Variants in CALR3 observed in about 807,000 individuals in gnomAD.
CALR3 encodes calreticulin-3.
CALR3 carries 39 observed loss-of-function variants against 48.7 expected under a neutral mutation model. That is an observed-to-expected ratio of 0.80 (90% CI 0.62 to 1.05). The LOEUF is 1.05. Ranked by LOEUF, CALR3 falls within the 50% of genes least tolerant of loss-of-function variation. CALR3 has a pLI of 0.00. For missense variants in CALR3, 449 were observed against 474.7 expected, an observed-to-expected ratio of 0.95 and a Z score of 0.50; for synonymous variants, 185 against 172.7, an observed-to-expected ratio of 1.07 and a Z score of -0.56.
At chr19:16,489,594 G>C (rs1260486725) in intron 3 of CALR3, among the ~76,000 whole-genome samples, 2 of 150,154 alleles carry the variant, frequency 1.3e-5, no homozygotes, top group African/African-American at 4.9e-5. Flanking sequence ...ACTCCAGCCT[G>C]GGCAACAAGA....
chr19:16,495,673 G>T, intron 2 of CALR3, 78 bp downstream of exon 2: 1 of 1,097,744 alleles, frequency 9.1e-7, no homozygotes, highest in Non-Finnish European at 1.4e-6. Context: ...AAAGCGTTTT[G>T]GCTGTGCCAC....
In CALR3 at chr19:16,496,000, G is replaced by A. The variant is rs377740696; in HGVS notation, c.91+39C>T. 9.5e-6 allele frequency: 15 copies of A among 1,571,812 alleles called. 1 individual carries two copies. The South Asian group carries it at 1.3e-4, about 13-fold the overall frequency. On this transcript the variant is annotated intron_variant, in intron 1 of 8. Transcript: ENST00000269881. ...CCAGCCTTAGGGGGCGGAGATGGGG[G>A]AGCTTACACCTCCGCCACCACGGGC...
chr19:16,482,679 T>C lies in CALR3; in HGVS notation c.785A>G (p.Gln262Arg). 1 of 1,614,164 alleles carries C rather than the reference T, an allele frequency of 6.2e-7. No homozygotes were observed. The highest frequency in any genetic ancestry group is 1.3e-5 in the African/African-American group (1 of 75,052). The part of the protein sequence containing the change: ...PAPMLQKPPY[Q>R]DGLKPEGIHK... ...GCATCATACAAAGAGGCCACACACC[T>C]GGTACGGGGGCTTCTGGAGCATCGG... is the stretch of plus-strand genomic sequence containing the variant. The change falls in exon 6 of 9, where the codon CAG (glutamine) becomes CGG (arginine). Residue 262 changes from glutamine to arginine, a missense_variant and splice_region_variant. Coordinates refer to ENST00000269881, the MANE Select transcript of CALR3 (RefSeq NM_145046.5).
chr19:16,495,695 G>C (rs2093406699), intron 2 of CALR3, 56 bp downstream of exon 2: 1 of 1,339,692 alleles, frequency 7.5e-7, no homozygotes, highest in Non-Finnish European at 1.1e-6. Context: ...ACTACCTAGA[G>C]AGGTTGCTAT....
intron 3 of CALR3, among the ~76,000 whole-genome samples, chr19:16,489,300 C>A (rs1025977457): frequency 6.6e-6 from 1 of 151,986 alleles, no homozygotes; most frequent in East Asian, 1.9e-4. Flanking sequence ...GCCAGGAGTT[C>A]GAGACCAGCC....
chr19:16,489,503 C>T (rs1234963271), intron 3 of CALR3, among the ~76,000 whole-genome samples: 2 of 152,106 alleles, frequency 1.3e-5, no homozygotes, highest in Non-Finnish European at 2.9e-5. Flanking sequence ...CCGGTAATCC[C>T]AGCTACTTGG....
intron 2 of CALR3, among the ~76,000 whole-genome samples, chr19:16,491,570 A>G (rs931102473): frequency 6.6e-6 from 1 of 150,944 alleles, no homozygotes; most frequent in African/African-American, 2.4e-5. Context: ...CGGGGTCAGG[A>G]GTTTGAGACC....
rs750997835 is a variant in CALR3, at chr19:16,485,253, G to A, written c.402C>T (p.Pro134=). ...GKSQYYIMFG[P]DICGFDIKKV... ...TCTTGATATCAAATCCACAAATATC[G>A]GGTCCTACAAAAAAGATTAGCTGCT... The change falls in exon 4 of 9, where the codon CCC becomes CCT. Residue 134 remains proline, a synonymous_variant. Coordinates refer to ENST00000269881, the MANE Select transcript of CALR3 (RefSeq NM_145046.5). 4.4e-6 allele frequency: 7 copies of A among 1,597,102 alleles called. No individual in the cohort carries two copies. Among genetic ancestry groups the A allele is most frequent in the East Asian group, 2.2e-5 (1 of 44,764 alleles).
At chr19:16,491,994 A>G (rs2093398849) in intron 2 of CALR3, among the ~76,000 whole-genome samples, 2 of 151,600 alleles carry the variant, frequency 1.3e-5, no homozygotes, top group African/African-American at 4.8e-5. Context: ...ATGCCTGGCT[A>G]ATTTTCATAT....
chr19:16,481,105 G>A (rs1459507073), intron 7 of CALR3, among the ~76,000 whole-genome samples: 2 of 151,820 alleles, frequency 1.3e-5, no homozygotes, highest in Admixed American at 6.6e-5. Context: ...AGTGAGTTGA[G>A]ATCGTGCCAC....
intron 4 of CALR3, 149 bp from the exon 5 acceptor site, chr19:16,484,264 A>C (rs2093385586): frequency 1.4e-6 from 1 of 715,178 alleles, no homozygotes; most frequent in Non-Finnish European, 2.2e-6. Flanking sequence ...TACAACCTCC[A>C]CCTCCTGAGT....
chr19:16,479,429 C>A lies in CALR3; in HGVS notation c.1012-155G>T, dbSNP rs932412491. Among the ~76,000 whole-genome samples, 16 of 143,206 alleles carry A rather than the reference C, an allele frequency of 1.1e-4. No homozygotes were observed. The highest frequency in any genetic ancestry group is 1.5e-4 in the African/African-American group (6 of 38,714). 93.9% of individuals were successfully genotyped at this position (143,206 alleles called of 152,430 possible). A position where few individuals can be genotyped will look rare whatever the true frequency, so the allele number is the denominator to read the frequency against. ...TGAAACACAGTCTCTACCAAAAATA[C>A]AAAAAAAAAAAAGCCAGGCGTGGTG... is the stretch of plus-strand genomic sequence containing the variant. On this transcript the variant is annotated intron_variant, in intron 8 of 8. Coordinates refer to ENST00000269881, the MANE Select transcript of CALR3 (RefSeq NM_145046.5).
intron 2 of CALR3, among the ~76,000 whole-genome samples, chr19:16,494,509 G>A (rs1425786262): frequency 6.6e-6 from 1 of 152,018 alleles, no homozygotes; most frequent in Non-Finnish European, 1.5e-5. Flanking sequence ...CTACAGGCAT[G>A]AGCCACCACA....
chr19:16,485,055 C>A lies in CALR3; in HGVS notation c.492+108G>T, dbSNP rs2093387182. ...AAACTGGAAACAGGAGGTATGTCTA[C>A]AAAGACCCATCCCTGGCTCAGTTAA... On this transcript the variant is annotated intron_variant, in intron 4 of 8. Coordinates refer to ENST00000269881, the MANE Select transcript of CALR3 (RefSeq NM_145046.5). The A allele has an allele frequency of 9.0e-6, 7 of 782,080 alleles. No individual in the cohort carries two copies. The South Asian group carries it at 1.0e-4, about 12-fold the overall frequency. 48.4% of individuals were successfully genotyped at this position (782,080 alleles called of 1,614,324 possible).
rs1278634841 is a variant in CALR3, at chr19:16,495,919, A to T, written c.92-67T>A. ...GTTAATTTGGGCTAAGGGAAGGGTGAAGGGGACCCTCGAGGATTCGAGGGT... is the reference window on the plus strand; with the variant it reads ...GTTAATTTGGGCTAAGGGAAGGGTGTAGGGGACCCTCGAGGATTCGAGGGT... On this transcript the variant is annotated intron_variant, in intron 1 of 8. Coordinates refer to ENST00000269881, the MANE Select transcript of CALR3 (RefSeq NM_145046.5). 28 of 1,576,302 alleles carry T rather than the reference A, an allele frequency of 1.8e-5. No individual in the cohort carries two copies. The East Asian group carries it at 1.8e-4, about 10-fold the overall frequency.
intron 8 of CALR3, among the ~76,000 whole-genome samples, chr19:16,479,902 C>T (rs995268626): frequency 6.6e-6 from 1 of 151,754 alleles, no homozygotes; most frequent in Non-Finnish European, 1.5e-5. Context: ...ATAAGAAGAA[C>T]CTGTAAAGAT....
chr19:16,494,516 C>T (rs962510965), intron 2 of CALR3, among the ~76,000 whole-genome samples: 14 of 152,128 alleles, frequency 9.2e-5, no homozygotes, highest in Middle Eastern at 3.2e-3. Context: ...CATGAGCCAC[C>T]ACACCCAGCT....
intron 7 of CALR3, among the ~76,000 whole-genome samples, chr19:16,481,428 G>A (rs113594284): frequency 4.7e-5 from 7 of 150,496 alleles, no homozygotes; most frequent in African/African-American, 1.7e-4. Context: ...TGCACATCGG[G>A]ATCACCAAAA....
intron 3 of CALR3, among the ~76,000 whole-genome samples, chr19:16,485,580 A>G (rs904511708): frequency 6.6e-5 from 10 of 151,960 alleles, no homozygotes; most frequent in Non-Finnish European, 5.9e-5. Context: ...GGCCTCCCAA[A>G]GTCCTAGGAT....
Sources: gnomAD v4.1 joint callset for allele counts (sites outside exome capture counted in the v4.1 genomes callset) on GRCh38, gnomAD v4.1.1 for gene constraint, MANE v1.5 for transcripts, NCBI Gene and HGNC (gene_info 2026-07-23, HGNC 2026-07-21) for gene names.